GRIK2: variants seen among roughly 807,000 people sequenced by gnomAD.
GRIK2 encodes glutamate receptor ionotropic, kainate 2.
GRIK2 carries 32 observed loss-of-function variants against 100.3 expected under a neutral mutation model. The observed-to-expected ratio is 0.32, with a 90% CI of 0.24 to 0.43. GRIK2 has a LOEUF of 0.43. GRIK2 is among the 20% of genes least tolerant of loss of function. The pLI is 1.00. For synonymous variants in GRIK2, 417 were observed against 389.4 expected (o/e 1.07, Z -0.83); for missense variants, 843 against 1,114.9 (o/e 0.76, Z 3.47).
chr6:101,914,350 A>G (rs1361072925), intron 12 of GRIK2, among the ~76,000 whole-genome samples: 1 of 151,424 alleles, frequency 6.6e-6, no homozygotes, highest in Non-Finnish European at 1.5e-5. Context: ...TATGAAGTAT[A>G]GCATTACCCC....
intron 2 of GRIK2, chr6:101,431,434 A>C (rs1255507208): frequency 3.9e-5 from 6 of 152,340 alleles, no homozygotes; most frequent in African/African-American, 1.4e-4. Context: ...GGGGCGCCCA[A>C]CAATGGAGGG....
chr6:102,025,878 A>G (rs904921059), intron 14 of GRIK2, among the ~76,000 whole-genome samples: 4 of 150,894 alleles, frequency 2.7e-5, no homozygotes, highest in African/African-American at 9.7e-5. Flanking sequence ...ATTATTAAAT[A>G]GAATAAGTTG....
chr6:101,772,927 C>T, intron 7 of GRIK2, among the ~76,000 whole-genome samples: 1 of 152,062 alleles, frequency 6.6e-6, no homozygotes, highest in Non-Finnish European at 1.5e-5. Flanking sequence ...TCTTTGATTT[C>T]CAAGTTTTAT....
intron 12 of GRIK2, among the ~76,000 whole-genome samples, chr6:101,906,352 C>T (rs532415091): frequency 4.8e-4 from 18 of 37,336 alleles, no homozygotes; most frequent in Non-Finnish European, 1.5e-3. Context: ...TGAATCATAA[C>T]TATAAAACAA....
At chr6:101,894,271 A>G (rs1384433829) in intron 12 of GRIK2, among the ~76,000 whole-genome samples, 1 of 151,750 alleles carries the variant, frequency 6.6e-6, no homozygotes, top group Non-Finnish European at 1.5e-5. Context: ...TTTAACCAAT[A>G]CTGAGAAGGA....
intron 7 of GRIK2, among the ~76,000 whole-genome samples, chr6:101,743,822 A>T (rs1288829036): frequency 6.6e-6 from 1 of 152,220 alleles, no homozygotes; most frequent in Non-Finnish European, 1.5e-5. Context: ...ATTAATTTTT[A>T]AAAAACGTTA....
intron 14 of GRIK2, among the ~76,000 whole-genome samples, chr6:101,959,255 G>A (rs888304101): frequency 2.0e-5 from 3 of 151,944 alleles, no homozygotes; most frequent in Non-Finnish European, 2.9e-5. Flanking sequence ...ATATCTGTTG[G>A]ACAATTTTTT....
At chr6:101,814,060 T>G (rs1204219155) in intron 9 of GRIK2, among the ~76,000 whole-genome samples, 1 of 152,112 alleles carries the variant, frequency 6.6e-6, no homozygotes, top group African/African-American at 2.4e-5. Flanking sequence ...GATATTTCAA[T>G]TTTTATGGCT....
chr6:101,595,948 C>G (rs1475351127), intron 2 of GRIK2, among the ~76,000 whole-genome samples: 4 of 136,398 alleles, frequency 2.9e-5, no homozygotes, highest in African/African-American at 1.1e-4. Context: ...AAATATAATT[C>G]ATTAAAATTT....
intron 2 of GRIK2, among the ~76,000 whole-genome samples, chr6:101,574,351 AT>A (rs1582746485): frequency 6.8e-6 from 1 of 147,678 alleles, no homozygotes; most frequent in African/African-American, 2.5e-5. Flanking sequence ...AAAATATATA[AT>A]TATATATACT....
intron 2 of GRIK2, among the ~76,000 whole-genome samples, chr6:101,500,484 A>G (rs1773689353): frequency 6.6e-6 from 1 of 152,116 alleles, no homozygotes; most frequent in Non-Finnish European, 1.5e-5. Flanking sequence ...AGTTAACGTG[A>G]CTTTGCAGAT....
chr6:101,848,742 C>T (rs932938439), intron 10 of GRIK2, among the ~76,000 whole-genome samples: 4 of 152,030 alleles, frequency 2.6e-5, no homozygotes, highest in Non-Finnish European at 5.9e-5. Flanking sequence ...TATATTACTA[C>T]TGGGGATCAT....
At chr6:101,757,968 C>T (rs1057240266) in intron 7 of GRIK2, among the ~76,000 whole-genome samples, 7 of 152,158 alleles carry the variant, frequency 4.6e-5, no homozygotes, top group Non-Finnish European at 1.0e-4. Flanking sequence ...TGGCACAAGC[C>T]TACAATACCA....
intron 2 of GRIK2, among the ~76,000 whole-genome samples, chr6:101,565,324 A>G (rs1777203834): frequency 2.0e-5 from 3 of 152,044 alleles, no homozygotes; most frequent in Admixed American, 2.0e-4. Context: ...CTTAAAACAC[A>G]CTTTTCCCAA....
chr6:101,565,931 A>ATATG (rs1272529626), intron 2 of GRIK2, among the ~76,000 whole-genome samples: 3 of 65,528 alleles, frequency 4.6e-5, no homozygotes, highest in African/African-American at 1.2e-4. Context: ...ATATATATAT[A>ATATG]TGTGTATATA....
At chr6:101,771,889 T>C (rs1172255187) in intron 7 of GRIK2, among the ~76,000 whole-genome samples, 1 of 152,044 alleles carries the variant, frequency 6.6e-6, no homozygotes, top group Non-Finnish European at 1.5e-5. Context: ...CTGCATAGTA[T>C]TCCATGATGT....
intron 4 of GRIK2, among the ~76,000 whole-genome samples, chr6:101,649,376 G>A (rs1444199819): frequency 3.3e-5 from 5 of 152,076 alleles, no homozygotes. Context: ...ACAGTGCTTG[G>A]TACCCATGTT....
chr6:101,850,911 C>T (rs767677254), intron 10 of GRIK2, among the ~76,000 whole-genome samples: 39 of 151,954 alleles, frequency 2.6e-4, no homozygotes, highest in African/African-American at 8.7e-4. Context: ...TCTTCTCTTA[C>T]GTGAGGTTAT....
intron 7 of GRIK2, among the ~76,000 whole-genome samples, chr6:101,711,361 T>C (rs775050194): frequency 1.3e-5 from 2 of 151,804 alleles, no homozygotes; most frequent in Non-Finnish European, 2.9e-5. Flanking sequence ...ACTCTTCATC[T>C]GTATTCTAAA....
Sources: allele counts gnomAD v4.1 joint callset (sites outside exome capture counted in the v4.1 genomes callset), GRCh38; gene constraint gnomAD v4.1.1; transcripts MANE v1.5; gene names NCBI Gene and HGNC (gene_info 2026-07-23, HGNC 2026-07-21).